EFCAB7: variants seen among roughly 807,000 people sequenced by gnomAD.
The protein encoded by EFCAB7 is EF-hand calcium-binding domain-containing protein 7.
EFCAB7 carries 66 observed loss-of-function variants against 77.1 expected under a neutral mutation model. The observed-to-expected ratio is 0.86, with a 90% CI of 0.70 to 1.05. EFCAB7 has a LOEUF of 1.05. Ranked by LOEUF, EFCAB7 falls within the 50% of genes least tolerant of loss-of-function variation. The pLI is 0.00. For missense variants in EFCAB7, 638 were observed against 730.5 expected (o/e 0.87, Z 1.46); for synonymous variants, 225 against 243.3 (o/e 0.92, Z 0.70).
At chr1:63,582,939 A>ATATT in the EFCAB7 span, among the ~76,000 whole-genome samples, 1 of 152,218 alleles carries the variant, frequency 6.6e-6, no homozygotes, top group African/African-American at 2.4e-5. Context: ...TAAGCTCAAA[A>ATATT]GTTTAGTGCC....
intron 7 of EFCAB7, among the ~76,000 whole-genome samples, chr1:63,546,390 A>G (rs1475753786): frequency 6.6e-6 from 1 of 150,904 alleles, no homozygotes; most frequent in East Asian, 1.9e-4. Context: ...TTTGAGACGG[A>G]GTCTCCCTCT....
chr1:63,549,282 C>T, intron 7 of EFCAB7: 1 of 463,420 alleles, frequency 2.2e-6, no homozygotes, highest in East Asian at 7.0e-5. Context: ...CTTACCTCAG[C>T]AATTCTTACC....
chr1:63,562,318 A>G (rs915708983), intron 11 of EFCAB7, among the ~76,000 whole-genome samples: 2 of 151,382 alleles, frequency 1.3e-5, no homozygotes, highest in Non-Finnish European at 2.9e-5. Flanking sequence ...GCTGGCTCAT[A>G]CAAAGCATTG....
At chr1:63,557,877 T>C (rs747996571) in intron 10 of EFCAB7, among the ~76,000 whole-genome samples, 1 of 152,086 alleles carries the variant, frequency 6.6e-6, no homozygotes, top group Non-Finnish European at 1.5e-5. Flanking sequence ...CAACTATAGA[T>C]CACAGAACAA....
chr1:63,564,548 A>G (rs1466034983), intron 11 of EFCAB7, among the ~76,000 whole-genome samples: 1 of 152,194 alleles, frequency 6.6e-6, no homozygotes, highest in Non-Finnish European at 1.5e-5. Context: ...CTACTGCTCA[A>G]AGAAATCAGA....
chr1:63,571,670 C>CAAA (rs10605515), intron 13 of EFCAB7, among the ~76,000 whole-genome samples: 16 of 65,334 alleles, frequency 2.4e-4, no homozygotes, highest in African/African-American at 7.8e-4. Context: ...GACTCTGTCT[C>CAAA]AAAAAAAAAA....
At chr1:63,543,963 T>C (rs1034926787) in intron 6 of EFCAB7, among the ~76,000 whole-genome samples, 4 of 148,378 alleles carry the variant, frequency 2.7e-5, no homozygotes, top group Non-Finnish European at 5.9e-5. Flanking sequence ...TTTCTTTTTT[T>C]CTTTTTTCTT....
chr1:63,572,056 C>T (rs1647277947), intron 13 of EFCAB7, among the ~76,000 whole-genome samples: 1 of 152,154 alleles, frequency 6.6e-6, no homozygotes, highest in Non-Finnish European at 1.5e-5. Context: ...CTATTCTTAC[C>T]CTTTCTTTCT....
chr1:63,545,620 C>G (rs1646888016), intron 6 of EFCAB7, among the ~76,000 whole-genome samples: 1 of 152,134 alleles, frequency 6.6e-6, no homozygotes. Context: ...GCATGTGCCA[C>G]CACGCCCGGC....
At chr1:63,536,189 G>A (rs1452616388) in intron 6 of EFCAB7, among the ~76,000 whole-genome samples, 2 of 152,172 alleles carry the variant, frequency 1.3e-5, no homozygotes, top group Non-Finnish European at 2.9e-5. Flanking sequence ...CATATAAAAT[G>A]TAATGTCTTT....
intron 10 of EFCAB7, among the ~76,000 whole-genome samples, chr1:63,557,667 A>C (rs1647047986): frequency 6.6e-6 from 1 of 152,214 alleles, no homozygotes; most frequent in Non-Finnish European, 1.5e-5. Flanking sequence ...CATGTTAAAC[A>C]TTCTTCAGTG....
At chr1:63,532,810 T>C in intron 4 of EFCAB7, 54 bp downstream of exon 4, 1 of 1,404,718 alleles carries the variant, frequency 7.1e-7, no homozygotes, top group Admixed American at 2.0e-5. Flanking sequence ...AAAGTGTTTT[T>C]ATTTTTCCCC....
chr1:63,584,064 CA>C, the EFCAB7 span, among the ~76,000 whole-genome samples: 2 of 151,892 alleles, frequency 1.3e-5, no homozygotes, highest in Non-Finnish European at 2.9e-5. Flanking sequence ...GAACCAGTGC[CA>C]AATGATGTGG....
chr1:63,551,861 A>C (rs748001444), intron 8 of EFCAB7, 27 bp downstream of exon 8: 2 of 1,422,738 alleles, frequency 1.4e-6, no homozygotes, highest in Non-Finnish European at 1.9e-6. Context: ...TCTAATGTTT[A>C]ATTTTTAAAT....
chr1:63,533,650 G>T lies in EFCAB7; in HGVS notation c.682+1G>T. On this transcript the variant is annotated splice_donor_variant, in intron 5 of 13. Coordinates refer to ENST00000371088, the MANE Select transcript of EFCAB7 (RefSeq NM_032437.4). LOFTEE classifies it high-confidence loss of function. The stretch of plus-strand genomic sequence containing the variant: ...GATCCAGAAACATTCTTAAATAAAG[G>T]TATTTACTTTTAACACTAAGAATTT... 6.4e-7 allele frequency: 1 copy of T among 1,555,414 alleles called. No individual in the cohort carries two copies. Among genetic ancestry groups the T allele is most frequent in the South Asian group, 1.2e-5 (1 of 82,648 alleles).
chr1:63,555,663 G>A (rs1411472291), intron 9 of EFCAB7, 148 bp downstream of exon 9: 1 of 634,592 alleles, frequency 1.6e-6, no homozygotes, highest in African/African-American at 1.8e-5. Context: ...TATGAACTTG[G>A]AGGATGTTCT....
In EFCAB7 at chr1:63,533,505, GA is replaced by G; in HGVS notation, c.543del (p.Lys181AsnfsTer2). ...CGAGCAATGTCTCAAGACTACACTA[GA>G]AAAACTAGAGGTTGACAGTAAATTG... Reference protein sequence around the residue: ...TNEQCLKTTLEKLEVDSKLMR... With the variant: ...TNEQCLKTTLXKLEVDSKLMR... On this transcript the variant is annotated frameshift_variant, in exon 5 of 14. Coordinates refer to ENST00000371088, the MANE Select transcript of EFCAB7 (RefSeq NM_032437.4). LOFTEE classifies it high-confidence loss of function. 6.2e-7 allele frequency: 1 copy of G among 1,611,890 alleles called. No individual in the cohort carries two copies. Among genetic ancestry groups the G allele is most frequent in the Non-Finnish European group, 8.5e-7 (1 of 1,179,264 alleles).
rs1028690681 is a variant in EFCAB7, at chr1:63,555,455, A to C, written c.1154A>C (p.Asp385Ala). The change falls in exon 9 of 14, where the codon GAT becomes GCT. Residue 385 changes from aspartate to alanine, a missense_variant. Physicochemically the swap from Asp to Ala is moderately radical, Grantham distance 126. Coordinates refer to ENST00000371088, the MANE Select transcript of EFCAB7 (RefSeq NM_032437.4). The stretch of plus-strand genomic sequence containing the variant: ...AGGAAAAAAATAAAACCAGTAACAG[A>C]TGAAGCCCAACTTGTATATAGAGAT... Reference protein sequence around the residue: ...RLRKKIKPVTDEAQLVYRDET... With the variant: ...RLRKKIKPVTAEAQLVYRDET... 1.9e-6 allele frequency: 3 copies of C among 1,614,070 alleles called. No individual in the cohort carries two copies. Among genetic ancestry groups the C allele is most frequent in the Non-Finnish European group, 2.5e-6 (3 of 1,179,958 alleles).
chr1:63,574,672 C>T (rs1347145865), downstream of EFCAB7, among the ~76,000 whole-genome samples: 4 of 152,138 alleles, frequency 2.6e-5, no homozygotes, highest in East Asian at 7.7e-4. Context: ...CTCCAGCTTC[C>T]TTTGGAAGTA....
Sources: allele counts gnomAD v4.1 joint callset (sites outside exome capture counted in the v4.1 genomes callset), GRCh38; gene constraint gnomAD v4.1.1; transcripts MANE v1.5; gene names NCBI Gene and HGNC (gene_info 2026-07-23, HGNC 2026-07-21).